Variants in CD8B observed in about 807,000 individuals in gnomAD.
CD8B encodes the protein T-cell surface glycoprotein CD8 beta chain.
In CD8B, 6 loss-of-function variants were observed where a neutral mutation model predicts 24.2. The ratio of observed to expected loss-of-function variants is 0.25; its 90% confidence interval spans 0.14 to 0.49. The LOEUF is 0.49. Among genes scored for constraint, CD8B ranks in the 20% least tolerant of loss-of-function variants. The pLI, the probability that CD8B is intolerant of heterozygous loss-of-function variation, is 0.98. For synonymous variants in CD8B, 84 were observed against 108.3 expected, an observed-to-expected ratio of 0.78 and a Z score of 1.39; for missense variants, 196 against 271.3, an observed-to-expected ratio of 0.72 and a Z score of 1.95.
intron 5 of CD8B, among the ~76,000 whole-genome samples, chr2:86,816,762 T>A (rs7581404): frequency 0.096 from 14,649 of 152,218 alleles, 2,191 homozygotes; most frequent in African/African-American, 0.32. Context: ...AAAACTTTTT[T>A]AAAAAATGTG....
At chr2:86,851,082 C>T (rs1675950654) in intron 3 of CD8B, among the ~76,000 whole-genome samples, 1 of 144,150 alleles carries the variant, frequency 6.9e-6, no homozygotes, top group East Asian at 2.0e-4. Context: ...CACAGTGAGA[C>T]TCCATTTCAA....
chr2:86,834,487 C>T (rs1002497125), downstream of CD8B, among the ~76,000 whole-genome samples: 1 of 148,204 alleles, frequency 6.7e-6, no homozygotes, highest in Non-Finnish European at 1.5e-5. Flanking sequence ...CACACACACA[C>T]AAAAGTCTTA....
chr2:86,861,718 G>C (rs1440007556), intron 1 of CD8B, 105 bp downstream of exon 1: 2 of 931,564 alleles, frequency 2.1e-6, no homozygotes, highest in African/African-American at 1.7e-5. Flanking sequence ...CCGCGGGCTC[G>C]ACGCTGCACC....
intron 5 of CD8B, among the ~76,000 whole-genome samples, chr2:86,830,973 T>C (rs561443986): frequency 7.1e-6 from 1 of 139,924 alleles, no homozygotes; most frequent in East Asian, 2.0e-4. Flanking sequence ...TTTAAATCAT[T>C]TAGAATTTCT....
intron 5 of CD8B, among the ~76,000 whole-genome samples, chr2:86,819,539 C>G (rs770411835): frequency 3.3e-5 from 5 of 152,194 alleles, no homozygotes; most frequent in African/African-American, 4.8e-5. Flanking sequence ...GCCTGGATGA[C>G]AGCACATCTG....
chr2:86,851,422 A>T (rs1351438108), intron 3 of CD8B, among the ~76,000 whole-genome samples: 1 of 152,070 alleles, frequency 6.6e-6, no homozygotes, highest in Non-Finnish European at 1.5e-5. Context: ...TTTGCCTTTT[A>T]TATCCTTTTT....
At chr2:86,856,919 T>C (rs1481638202) in intron 2 of CD8B, among the ~76,000 whole-genome samples, 1 of 152,110 alleles carries the variant, frequency 6.6e-6, no homozygotes, top group African/African-American at 2.4e-5. Context: ...GTTAATAAAT[T>C]GAGTTAAATA....
At chr2:86,822,048 G>A (rs1022579479) in intron 5 of CD8B, among the ~76,000 whole-genome samples, 2 of 152,132 alleles carry the variant, frequency 1.3e-5, no homozygotes, top group Non-Finnish European at 2.9e-5. Flanking sequence ...CAACAGTCCT[G>A]CCCTGACTTG....
At chr2:86,827,905 CT>C (rs889481384) in intron 5 of CD8B, among the ~76,000 whole-genome samples, 3 of 152,142 alleles carry the variant, frequency 2.0e-5, no homozygotes, top group African/African-American at 7.2e-5. Context: ...ACTAGGAAAA[CT>C]TGTGCAGGAC....
chr2:86,833,516 C>G (rs1278094321), downstream of CD8B, among the ~76,000 whole-genome samples: 13 of 133,052 alleles, frequency 9.8e-5, no homozygotes, highest in Non-Finnish European at 2.0e-4. Context: ...CCGCTCTCCT[C>G]CCCTCCCCTC....
chr2:86,817,829 C>T (rs1674315653), intron 5 of CD8B, among the ~76,000 whole-genome samples: 1 of 152,182 alleles, frequency 6.6e-6, no homozygotes, highest in Admixed American at 6.5e-5. Flanking sequence ...GCTAAATAAA[C>T]TTGAAGCTAG....
intron 1 of CD8B, among the ~76,000 whole-genome samples, chr2:86,860,822 G>A (rs1676542336): frequency 6.6e-6 from 1 of 152,128 alleles, no homozygotes. Flanking sequence ...TCCTCTCCTG[G>A]CTGAGACACA....
intron 5 of CD8B, among the ~76,000 whole-genome samples, chr2:86,826,212 T>C (rs550880461): frequency 6.6e-6 from 1 of 152,118 alleles, no homozygotes; most frequent in Admixed American, 6.5e-5. Flanking sequence ...GAGGAGTCCA[T>C]CTGGGCCACA....
At chr2:86,826,221 CAG>C (rs980652138) in intron 5 of CD8B, among the ~76,000 whole-genome samples, 10 of 152,106 alleles carry the variant, frequency 6.6e-5, no homozygotes, top group African/African-American at 1.7e-4. Context: ...ATCTGGGCCA[CAG>C]GGGTGAGGAG....
At chr2:86,837,664 A>G (rs1185292112), downstream of CD8B, among the ~76,000 whole-genome samples, 12 of 130,710 alleles carry the variant, frequency 9.2e-5, no homozygotes, top group Non-Finnish European at 1.6e-4. Context: ...ACAGGTAGAG[A>G]CACAAGCTGC....
At chr2:86,860,972 C>A (rs1676552241) in intron 1 of CD8B, among the ~76,000 whole-genome samples, 2 of 152,238 alleles carry the variant, frequency 1.3e-5, no homozygotes, top group African/African-American at 2.4e-5. Flanking sequence ...GAATTCCATT[C>A]TCAGAGGGAC....
At chr2:86,820,862 T>C (rs1486641722) in intron 5 of CD8B, among the ~76,000 whole-genome samples, 1 of 152,270 alleles carries the variant, frequency 6.6e-6, no homozygotes, top group East Asian at 1.9e-4. Context: ...CTGAGTAGTA[T>C]GTGCCATGCA....
chr2:86,861,807 C>T lies in CD8B; in HGVS notation c.43+16G>A, dbSNP rs1304152335. On this transcript the variant is annotated intron_variant, in intron 1 of 5. Coordinates refer to ENST00000390655, the MANE Select transcript of CD8B (RefSeq NM_004931.5). ...GGAGCGCAGACCCTTGGGTAGCCCG[C>T]GCGCCGCCGCCTTACCTGTCAGCTG... The T allele has an allele frequency of 7.9e-7, 1 of 1,271,792 alleles. No individual in the cohort carries two copies. The highest frequency in any genetic ancestry group is 9.9e-7 in the Non-Finnish European group (1 of 1,010,694). The allele number at this position is 1,271,792 out of a possible 1,614,324, so 78.8% of individuals were successfully genotyped here. A position where few individuals can be genotyped will look rare whatever the true frequency, so the allele number is the denominator to read the frequency against.
intron 5 of CD8B, among the ~76,000 whole-genome samples, chr2:86,817,315 A>C (rs1417507903): frequency 6.6e-6 from 1 of 152,202 alleles, no homozygotes; most frequent in Non-Finnish European, 1.5e-5. Context: ...TTCATTGCTC[A>C]GAGAAGTTTT....
Sources: gnomAD v4.1 joint callset for allele counts (sites outside exome capture counted in the v4.1 genomes callset) on GRCh38, gnomAD v4.1.1 for gene constraint, MANE v1.5 for transcripts, NCBI Gene and HGNC (gene_info 2026-07-23, HGNC 2026-07-21) for gene names.